REN: variants seen among roughly 807,000 people sequenced by gnomAD.
REN encodes renin.
REN carries 42 observed loss-of-function variants against 48.6 expected under a neutral mutation model. That is an observed-to-expected ratio of 0.86 (90% CI 0.68 to 1.12). REN has a LOEUF of 1.12. Among genes scored for constraint, REN ranks in the 50% most tolerant of loss-of-function variants. REN has a pLI of 0.00. For missense variants in REN, 443 were observed against 527.3 expected (o/e 0.84, Z 1.57); for synonymous variants, 196 against 204.6 (o/e 0.96, Z 0.36).
intron 5 of REN, among the ~76,000 whole-genome samples, chr1:204,157,687 T>A (rs769964718): frequency 2.0e-5 from 3 of 152,252 alleles, no homozygotes; most frequent in Non-Finnish European, 4.4e-5. Flanking sequence ...GAATTCATAC[T>A]AGAATTCACA....
chr1:204,161,963 A>G (rs374058257), intron 2 of REN, 50 bp downstream of exon 2: 2 of 1,609,354 alleles, frequency 1.2e-6, no homozygotes, highest in Non-Finnish European at 1.7e-6. Flanking sequence ...CCCTAGGTCC[A>G]TGAGGGAAAG....
intron 5 of REN, among the ~76,000 whole-genome samples, chr1:204,158,810 T>C (rs1658194332): frequency 6.6e-6 from 1 of 152,246 alleles, no homozygotes; most frequent in Non-Finnish European, 1.5e-5. Flanking sequence ...CTGTAAGCTC[T>C]ATGTGGGTAG....
In REN at chr1:204,155,188, G is replaced by A. The variant is rs765571622; in HGVS notation, c.1060-11C>T. ...ACTACTGTAGGATTCCTGGCAGGAAGGGGGAGAGTTTCTCCATACCCAGCA... is the reference window on the plus strand; with the variant it reads ...ACTACTGTAGGATTCCTGGCAGGAAAGGGGAGAGTTTCTCCATACCCAGCA... On this transcript the variant is annotated splice_polypyrimidine_tract_variant and intron_variant, in intron 9 of 9. Coordinates refer to ENST00000272190, the MANE Select transcript of REN (RefSeq NM_000537.4). 1.2e-6 allele frequency: 2 copies of A among 1,613,888 alleles called. No individual in the cohort carries two copies. Among genetic ancestry groups the A allele is most frequent in the African/African-American group, 1.3e-5 (1 of 74,926 alleles).
intron 5 of REN, among the ~76,000 whole-genome samples, chr1:204,158,411 CTTTT>C (rs576572389): frequency 0.15 from 14,940 of 96,708 alleles, 544 homozygotes; most frequent in African/African-American, 0.23. Context: ...ACCCTTGTGA[CTTTT>C]TTTTTTTTTT....
chr1:204,154,835 T>G lies in REN; in HGVS notation c.*181A>C. On this transcript the variant is annotated 3_prime_UTR_variant, in exon 10 of 10. Coordinates refer to ENST00000272190, the MANE Select transcript of REN (RefSeq NM_000537.4). The stretch of plus-strand genomic sequence containing the variant: ...GCAACAGGCTGTGAACATGAAGTCT[T>G]TATTCTCTTTGTCCTCAAAGCAGGG... The G allele has an allele frequency of 1.4e-6, 1 of 690,106 alleles. No individual in the cohort carries two copies. The allele number at this position is 690,106 out of a possible 1,614,324, so 42.7% of individuals were successfully genotyped here. A position where few individuals can be genotyped will look rare whatever the true frequency, so the allele number is the denominator to read the frequency against.
At chr1:204,162,524 T>C (rs1253903026) in intron 1 of REN, among the ~76,000 whole-genome samples, 1 of 152,226 alleles carries the variant, frequency 6.6e-6, no homozygotes, top group Non-Finnish European at 1.5e-5. Flanking sequence ...GCTAGAAAGA[T>C]AATGATCATG....
At chr1:204,157,193 G>A (rs938313547) in intron 6 of REN, among the ~76,000 whole-genome samples, 168 bp downstream of exon 6, 1 of 152,194 alleles carries the variant, frequency 6.6e-6, no homozygotes, top group African/African-American at 2.4e-5. Context: ...TGGGTATGGG[G>A]TGGGCAGGTG....
chr1:204,160,373 C>T (rs1658221007), intron 4 of REN, among the ~76,000 whole-genome samples, 187 bp downstream of exon 4: 1 of 152,252 alleles, frequency 6.6e-6, no homozygotes, highest in South Asian at 2.1e-4. Context: ...GTAGCCCAGG[C>T]TTGCTCCCCC....
At chr1:204,164,933 T>C (rs1658317609) in intron 1 of REN, among the ~76,000 whole-genome samples, 1 of 151,978 alleles carries the variant, frequency 6.6e-6, no homozygotes, top group African/African-American at 2.4e-5. Context: ...GCTAAGGTTT[T>C]CTCCTTCTAA....
intron 4 of REN, among the ~76,000 whole-genome samples, chr1:204,159,931 A>G (rs1238872771): frequency 1.3e-5 from 2 of 152,144 alleles, no homozygotes; most frequent in East Asian, 3.9e-4. Context: ...CCCCACCCTT[A>G]TCATGGGCGA....
Position 204,157,277 on chromosome 1 carries a change from T to C in REN, c.698+84A>G. 3.8e-6 allele frequency: 6 copies of C among 1,572,282 alleles called. No homozygotes were observed. The South Asian group carries it at 6.7e-5, about 17-fold the overall frequency. ...AGGCTGGGCTTGCTGATGTGAGTTT[T>C]GGGCCGGTGGCGTGTGTAATTCTAG... On this transcript the variant is annotated intron_variant, in intron 6 of 9. Transcript: ENST00000272190.
At chr1:204,158,850 G>T (rs1403477713) in intron 5 of REN, among the ~76,000 whole-genome samples, 1 of 152,148 alleles carries the variant, frequency 6.6e-6, no homozygotes, top group Non-Finnish European at 1.5e-5. Context: ...TGTTCACTGT[G>T]TTCACTGCTG....
chr1:204,157,209 G>T, intron 6 of REN, 152 bp downstream of exon 6: 1 of 1,075,286 alleles, frequency 9.3e-7, no homozygotes, highest in Non-Finnish European at 1.4e-6. Flanking sequence ...AGGTGGCATG[G>T]AGAGAGCAGG....
chr1:204,161,996 C>CT lies in REN; in HGVS notation c.249+16dup. The stretch of plus-strand genomic sequence containing the variant: ...AAGGAGACAGGGAGGGAGCGAGGGG[C>CT]TGAGCCAAGCACTCACGTCCATGTA... On this transcript the variant is annotated intron_variant, in intron 2 of 9. Transcript: ENST00000272190. 6.2e-7 allele frequency: 1 copy of CT among 1,613,766 alleles called. No individual in the cohort carries two copies. The highest frequency in any genetic ancestry group is 2.2e-5 in the East Asian group (1 of 44,870).
In REN at chr1:204,155,810, C is replaced by G. The variant is rs5708; in HGVS notation, c.1059+10G>C. ...CTCCCTGCCACCGAGGGGGCCGACTCGAACCTCACCTGAAATACATAGTCC... is the reference window on the plus strand; with the variant it reads ...CTCCCTGCCACCGAGGGGGCCGACTGGAACCTCACCTGAAATACATAGTCC... On this transcript the variant is annotated intron_variant, in intron 9 of 9. Coordinates refer to ENST00000272190, the MANE Select transcript of REN (RefSeq NM_000537.4). The G allele has an allele frequency of 6.2e-7, 1 of 1,610,128 alleles. No individual in the cohort carries two copies. Among genetic ancestry groups the G allele is most frequent in the Non-Finnish European group, 8.5e-7 (1 of 1,177,522 alleles).
intron 9 of REN, 36 bp from the exon 10 acceptor site, chr1:204,155,213 A>C: frequency 1.2e-6 from 2 of 1,612,180 alleles, no homozygotes; most frequent in Non-Finnish European, 1.7e-6. Context: ...CATACCCAGC[A>C]CATGAGCATT....
rs1658143106 is a variant in REN, at chr1:204,156,076, C to T, written c.960+102G>A. On this transcript the variant is annotated intron_variant, in intron 8 of 9. Coordinates refer to ENST00000272190, the MANE Select transcript of REN (RefSeq NM_000537.4). The surrounding 1 kb of genome is among the most constrained non-coding windows in gnomAD (Gnocchi z 4.2). ...ACATGTGTGGAGAGTGTGAGGTGAA[C>T]AAGCGAAGGCCTGAGATGGCCTCAT... The T allele has an allele frequency of 2.5e-5, 39 of 1,561,814 alleles. No individual in the cohort carries two copies. Among genetic ancestry groups the T allele is most frequent in the Admixed American group, 1.5e-4 (9 of 59,914 alleles).
intron 5 of REN, among the ~76,000 whole-genome samples, chr1:204,157,604 C>G (rs2102311705): frequency 6.6e-6 from 1 of 152,348 alleles, no homozygotes; most frequent in African/African-American, 2.4e-5. Flanking sequence ...CTTTCCTCCT[C>G]ACTGCACTTG....
In REN at chr1:204,162,077, T is replaced by G; in HGVS notation, c.185A>C (p.Gln62Pro). Reference sequence around the variant, plus strand: ...GCCAAGTGTCAGCCTCTTCATGGGTTGGCTCCACTCGGGACCAAGCCTGGC... The same window carrying G: ...GCCAAGTGTCAGCCTCTTCATGGGTGGGCTCCACTCGGGACCAAGCCTGGC... Reference protein sequence around the residue: ...DMARLGPEWSQPMKRLTLGNT... With the variant: ...DMARLGPEWSPPMKRLTLGNT... The change falls in exon 2 of 10, where the codon CAA (glutamine) becomes CCA (proline). Residue 62 changes from glutamine (Q) to proline (P), a missense_variant. Physicochemically the swap from Gln to Pro is moderately conservative, Grantham distance 76. Coordinates refer to ENST00000272190, the MANE Select transcript of REN (RefSeq NM_000537.4). 1 of 1,614,122 alleles carries G rather than the reference T, an allele frequency of 6.2e-7. No individual in the cohort carries two copies. The highest frequency in any genetic ancestry group is 8.5e-7 in the Non-Finnish European group (1 of 1,180,014).
Sources: gnomAD v4.1 joint callset for allele counts (sites outside exome capture counted in the v4.1 genomes callset) on GRCh38, gnomAD v4.1.1 for gene constraint, Gnocchi (gnomAD v3.1) non-coding constraint, MANE v1.5 for transcripts, NCBI Gene and HGNC (gene_info 2026-07-23, HGNC 2026-07-21) for gene names.